The following MTHFD1L variants were observed in gnomAD, a reference collection of about 807,000 sequenced individuals.
MTHFD1L encodes methylenetetrahydrofolate dehydrogenase (NADP+ dependent) 1 like, also known as monofunctional C1-tetrahydrofolate synthase, mitochondrial.
MTHFD1L carries 81 observed loss-of-function variants against 119.5 expected under a neutral mutation model. That is an observed-to-expected ratio of 0.68 (90% CI 0.57 to 0.82). The LOEUF is 0.82. Ranked by LOEUF, MTHFD1L falls within the 40% of genes least tolerant of loss-of-function variation. MTHFD1L has a pLI of 0.00. For missense variants in MTHFD1L, 1,125 were observed against 1,253.4 expected, an observed-to-expected ratio of 0.90 and a Z score of 1.55; for synonymous variants, 430 against 475.2, an observed-to-expected ratio of 0.90 and a Z score of 1.24.
chr6:151,038,593 A>G (rs913542585), intron 26 of MTHFD1L, among the ~76,000 whole-genome samples: 2 of 152,084 alleles, frequency 1.3e-5, no homozygotes, highest in African/African-American at 2.4e-5. Context: ...GGTTTTAAAT[A>G]AGGAGGAGAA....
At chr6:151,051,903 G>T (rs1436487060) in intron 26 of MTHFD1L, among the ~76,000 whole-genome samples, 1 of 152,252 alleles carries the variant, frequency 6.6e-6, no homozygotes, top group African/African-American at 2.4e-5. Context: ...GGGAGGCAGG[G>T]ACTGAGGCGG....
chr6:150,971,745 T>C (rs983527221), intron 19 of MTHFD1L, among the ~76,000 whole-genome samples: 3 of 152,218 alleles, frequency 2.0e-5, no homozygotes, highest in African/African-American at 7.2e-5. Flanking sequence ...CAGCATTAAA[T>C]GTAGAATAAC....
At chr6:150,921,350 C>T (rs560978946) in intron 9 of MTHFD1L, among the ~76,000 whole-genome samples, 1 of 152,266 alleles carries the variant, frequency 6.6e-6, no homozygotes, top group Non-Finnish European at 1.5e-5. Flanking sequence ...AACTCCCGAC[C>T]TCAGTTGATC....
chr6:151,018,964 A>G (rs1385865710), intron 24 of MTHFD1L, among the ~76,000 whole-genome samples: 1 of 152,240 alleles, frequency 6.6e-6, no homozygotes, highest in Non-Finnish European at 1.5e-5. Context: ...GTGAAAAGAA[A>G]AATGTTCCAG....
At chr6:151,037,582 T>G (rs1786376982) in intron 26 of MTHFD1L, among the ~76,000 whole-genome samples, 1 of 152,204 alleles carries the variant, frequency 6.6e-6, no homozygotes, top group African/African-American at 2.4e-5. Flanking sequence ...GGTGGGAAGC[T>G]CTGGCTTAGG....
chr6:150,969,195 C>T lies in MTHFD1L; in HGVS notation c.2014-2752C>T, dbSNP rs546138678. Among the ~76,000 whole-genome samples, 4 of 151,778 alleles carry T rather than the reference C, an allele frequency of 2.6e-5. No homozygotes were observed. The East Asian group carries it at 7.8e-4, about 30-fold the overall frequency. Reference sequence around the variant, plus strand: ...CAGGGTTTCACCATGTTGGCCAGGCCAGTCTCAAACTCCTGACCTCAGGTG... The same window carrying T: ...CAGGGTTTCACCATGTTGGCCAGGCTAGTCTCAAACTCCTGACCTCAGGTG... On this transcript the variant is annotated intron_variant, in intron 19 of 27. Coordinates refer to ENST00000367321, the MANE Select transcript of MTHFD1L (RefSeq NM_015440.5).
chr6:150,936,886 A>G lies in MTHFD1L; in HGVS notation c.1339A>G (p.Asn447Asp), dbSNP rs753744433. ...VQALTAHLNV[N>D]SFACLRQPSQ... ...GGCTCTGACCGCACACCTGAATGTCAACTCCTTTGCCTGCTTGAGGCAGCC... is the reference window on the plus strand; with the variant it reads ...GGCTCTGACCGCACACCTGAATGTCGACTCCTTTGCCTGCTTGAGGCAGCC... The change falls in exon 12 of 28, where the codon AAC becomes GAC. Residue 447 changes from asparagine to aspartate, a missense_variant. Asn to Asp is a conservative substitution (Grantham distance 23). This residue lies in a region of MTHFD1L where 1,058 missense variants were observed against 1,151.2 expected (regional missense o/e 0.92). Coordinates refer to ENST00000367321, the MANE Select transcript of MTHFD1L (RefSeq NM_015440.5). 21 of 1,613,976 alleles carry G rather than the reference A, an allele frequency of 1.3e-5. No individual in the cohort carries two copies. Among genetic ancestry groups the G allele is most frequent in the Non-Finnish European group, 1.5e-5 (18 of 1,180,012 alleles).
chr6:151,008,147 C>G (rs1181315649), intron 20 of MTHFD1L, among the ~76,000 whole-genome samples: 3 of 152,088 alleles, frequency 2.0e-5, no homozygotes, highest in Non-Finnish European at 4.4e-5. Context: ...TGGAAACAAC[C>G]CAAATGTTCA....
At position 150,971,994 on chromosome 6, in the gene MTHFD1L, C is replaced by T. The variant is rs531256858; in HGVS notation, c.2061C>T (p.His687=). Residue 687 remains histidine (H), a synonymous_variant, in exon 20 of 28, where the codon CAC becomes CAT. Transcript: ENST00000367321. ...CGGGCCCTTTTGCTAACATTGCTCA[C>T]GGCAACTCTTCAGTGTTGGCTGATA... ...VHAGPFANIA[H]GNSSVLADKI... 3.1e-6 allele frequency: 5 copies of T among 1,613,982 alleles called. No individual in the cohort carries two copies. Among genetic ancestry groups the T allele is most frequent in the Admixed American group, 1.7e-5 (1 of 59,996 alleles).
At chr6:151,002,659 C>G (rs1330704281) in intron 20 of MTHFD1L, among the ~76,000 whole-genome samples, 1 of 152,216 alleles carries the variant, frequency 6.6e-6, no homozygotes, top group Non-Finnish European at 1.5e-5. Flanking sequence ...CACATCCCAA[C>G]CACGCTGGAC....
intron 26 of MTHFD1L, among the ~76,000 whole-genome samples, chr6:151,086,960 G>A (rs1252242115): frequency 6.6e-6 from 1 of 152,014 alleles, no homozygotes; most frequent in Non-Finnish European, 1.5e-5. Context: ...TATTTAAATT[G>A]TATCGTCAGC....
chr6:151,027,463 A>G (rs1304212891), intron 24 of MTHFD1L, among the ~76,000 whole-genome samples: 2 of 152,234 alleles, frequency 1.3e-5, no homozygotes, highest in Non-Finnish European at 2.9e-5. Flanking sequence ...ACAATGTGGC[A>G]AGTAAATATA....
intron 20 of MTHFD1L, among the ~76,000 whole-genome samples, chr6:150,988,002 A>T (rs573679260): frequency 6.6e-6 from 1 of 152,342 alleles, no homozygotes; most frequent in East Asian, 1.9e-4. Flanking sequence ...TAAGATGCAG[A>T]TTGATTTTCA....
At chr6:150,869,074 T>G (rs746000148) in intron 1 of MTHFD1L, among the ~76,000 whole-genome samples, 14 of 152,162 alleles carry the variant, frequency 9.2e-5, no homozygotes, top group Non-Finnish European at 1.8e-4. Flanking sequence ...TTTTTGCAAT[T>G]AAGTATTTTT....
At chr6:150,966,292 A>G (rs191145103) in intron 19 of MTHFD1L, among the ~76,000 whole-genome samples, 49 of 152,286 alleles carry the variant, frequency 3.2e-4, no homozygotes, top group Middle Eastern at 3.4e-3. Flanking sequence ...GGGGAAGCAG[A>G]CAAGTCTTCA....
At chr6:151,036,898 T>C (rs1176091008) in intron 25 of MTHFD1L, 67 bp from the exon 26 acceptor site, 9 of 1,560,820 alleles carry the variant, frequency 5.8e-6, no homozygotes, top group Non-Finnish European at 7.9e-6. Flanking sequence ...CTGTATAAAG[T>C]GCAAATTGAA....
chr6:150,954,448 G>A (rs1421650493), intron 16 of MTHFD1L, among the ~76,000 whole-genome samples: 5 of 152,156 alleles, frequency 3.3e-5, no homozygotes, highest in Admixed American at 3.3e-4. Flanking sequence ...AGCACTTTGG[G>A]AGGCCGAGGC....
chr6:151,042,925 C>T (rs1264352531), intron 26 of MTHFD1L, among the ~76,000 whole-genome samples: 2 of 152,182 alleles, frequency 1.3e-5, no homozygotes, highest in Non-Finnish European at 2.9e-5. Context: ...GGGGAGAATG[C>T]TTAACTCAGG....
intron 7 of MTHFD1L, among the ~76,000 whole-genome samples, chr6:150,892,317 A>G (rs1384653265): frequency 3.9e-5 from 6 of 152,220 alleles, no homozygotes; most frequent in Admixed American, 6.5e-5. Context: ...TTTTCAAAGT[A>G]CTTTTTTATT....
Sources: allele counts gnomAD v4.1 joint callset (sites outside exome capture counted in the v4.1 genomes callset), GRCh38; gene constraint gnomAD v4.1.1; regional missense constraint gnomAD v4.1.1; transcripts MANE v1.5; gene names NCBI Gene and HGNC (gene_info 2026-07-23, HGNC 2026-07-21).